Variants in VPS26C observed in about 807,000 individuals in gnomAD.
VPS26C encodes the protein vacuolar protein sorting-associated protein 26C.
VPS26C carries 19 observed loss-of-function variants against 30.6 expected under a neutral mutation model. That is an observed-to-expected ratio of 0.62 (90% CI 0.43 to 0.91). The LOEUF (loss-of-function observed/expected upper bound fraction) is 0.91. Among genes scored for constraint, VPS26C ranks in the 40% least tolerant of loss-of-function variants. The pLI, the probability that VPS26C is intolerant of heterozygous loss-of-function variation, is 0.00. For synonymous variants in VPS26C, 132 were observed against 151.5 expected (o/e 0.87, Z 0.95); for missense variants, 318 against 385.1 (o/e 0.83, Z 1.46).
At chr21:37,258,676 G>A (rs2148308111) in intron 1 of VPS26C, among the ~76,000 whole-genome samples, 1 of 152,334 alleles carries the variant, frequency 6.6e-6, no homozygotes, top group Admixed American at 6.5e-5. Flanking sequence ...CTGCACCGGG[G>A]ACTCGGCATT....
chr21:37,257,046 C>T lies in VPS26C; in HGVS notation c.57+10192G>A, dbSNP rs1402739589. Among the ~76,000 whole-genome samples, 1 of 151,994 alleles carries T rather than the reference C, an allele frequency of 6.6e-6. No homozygotes were observed. The highest frequency in any genetic ancestry group is 2.4e-5 in the African/African-American group (1 of 41,382). ...ACTCGGGAGGCTGAGGCAGGAGAAT[C>T]GCTTGAGCCTGGGAGGTGGAGGCTG... On this transcript the variant is annotated intron_variant, in intron 1 of 7. Coordinates refer to ENST00000309117, the MANE Select transcript of VPS26C (RefSeq NM_006052.2). This position sits in a 1 kb window ranked among gnomAD's most constrained non-coding sequence, Gnocchi z 4.2.
intron 2 of VPS26C, among the ~76,000 whole-genome samples, chr21:37,239,861 G>T (rs1363370261): frequency 6.6e-6 from 1 of 152,124 alleles, no homozygotes; most frequent in African/African-American, 2.4e-5. Context: ...GCCTCCCAAA[G>T]TGCTGGGATT....
intron 1 of VPS26C, among the ~76,000 whole-genome samples, chr21:37,256,908 A>G (rs1233294614): frequency 6.6e-6 from 1 of 152,216 alleles, no homozygotes; most frequent in Non-Finnish European, 1.5e-5. Context: ...GGCTGAGACC[A>G]GAAGATCGCT....
chr21:37,227,486 G>A (rs2085912606), intron 7 of VPS26C, 168 bp downstream of exon 7: 3 of 734,874 alleles, frequency 4.1e-6, no homozygotes, highest in Non-Finnish European at 6.6e-6. Context: ...ACAAGGTTTT[G>A]TTGAGCAGCC....
intron 4 of VPS26C, among the ~76,000 whole-genome samples, chr21:37,232,872 G>T (rs566627421): frequency 7.2e-5 from 11 of 152,314 alleles, no homozygotes; most frequent in African/African-American, 2.4e-4. Context: ...GGTGGAGCTG[G>T]GGGGCTGAGC....
rs907543434 is a variant in VPS26C at position 37,238,312 on chromosome 21, G to C, written c.351+148C>G. The C allele has an allele frequency of 3.4e-6, 3 of 888,088 alleles. No homozygotes were observed. The African/African-American group carries it at 5.2e-5, about 15-fold the overall frequency. 55.0% of individuals were successfully genotyped at this position (888,088 alleles called of 1,614,324 possible). A position where few individuals can be genotyped will look rare whatever the true frequency, so the allele number is the denominator to read the frequency against. ...TCAAATGCATTTATCAGGGAAATGA[G>C]AAATTAACGTCGAATATACATGCGA... On this transcript the variant is annotated intron_variant, in intron 3 of 7. Coordinates refer to ENST00000309117, the MANE Select transcript of VPS26C (RefSeq NM_006052.2).
chr21:37,249,069 A>G (rs573866113), intron 1 of VPS26C, among the ~76,000 whole-genome samples: 16 of 152,316 alleles, frequency 1.1e-4, no homozygotes, highest in Admixed American at 4.6e-4. Context: ...TTCTTAGTAA[A>G]ATAATAGAAG....
At chr21:37,266,191 T>C (rs2086359405) in intron 1 of VPS26C, among the ~76,000 whole-genome samples, 1 of 152,136 alleles carries the variant, frequency 6.6e-6, no homozygotes, top group South Asian at 2.1e-4. Flanking sequence ...GTGCTGGTAA[T>C]ACAAGCGTGA....
At chr21:37,258,261 G>A (rs1274692234) in intron 1 of VPS26C, among the ~76,000 whole-genome samples, 1 of 152,252 alleles carries the variant, frequency 6.6e-6, no homozygotes, top group East Asian at 1.9e-4. Context: ...CCTGATCCGC[G>A]CTGCAGTTCC....
intron 1 of VPS26C, among the ~76,000 whole-genome samples, chr21:37,243,622 C>T (rs190808726): frequency 1.2e-3 from 181 of 152,300 alleles, no homozygotes; most frequent in African/African-American, 4.2e-3. Flanking sequence ...TGAAAGGAGA[C>T]GGCAGTCCCG....
chr21:37,237,326 G>C (rs1480963715), intron 3 of VPS26C: 2 of 152,162 alleles, frequency 1.3e-5, no homozygotes, highest in African/African-American at 2.4e-5. Flanking sequence ...TACTGATTCT[G>C]GGTAGATAAT....
At chr21:37,225,882 A>G in intron 7 of VPS26C, 1 of 539,116 alleles carries the variant, frequency 1.9e-6, no homozygotes, top group Non-Finnish European at 3.4e-6. Context: ...ATGAGTGATC[A>G]GGCTTCACCA....
At chr21:37,249,542 T>C (rs1244517211) in intron 1 of VPS26C, among the ~76,000 whole-genome samples, 1 of 152,188 alleles carries the variant, frequency 6.6e-6, no homozygotes, top group African/African-American at 2.4e-5. Flanking sequence ...AAAACATGCC[T>C]GAAAGCCACA....
intron 1 of VPS26C, among the ~76,000 whole-genome samples, chr21:37,250,985 C>G (rs994170488): frequency 1.3e-5 from 2 of 149,376 alleles, no homozygotes; most frequent in African/African-American, 4.9e-5. Context: ...GAACAAAGAG[C>G]TCACAGAAAA....
chr21:37,227,918 C>A, intron 6 of VPS26C, 112 bp from the exon 7 acceptor site: 1 of 1,405,420 alleles, frequency 7.1e-7, no homozygotes. Flanking sequence ...GGTCCCCTCC[C>A]CTCACTTTCC....
intron 1 of VPS26C, among the ~76,000 whole-genome samples, chr21:37,245,975 G>C (rs1316273107): frequency 2.0e-5 from 3 of 151,932 alleles, no homozygotes; most frequent in Non-Finnish European, 4.4e-5. Context: ...GGGCAGAAAT[G>C]ACAAAATCCA....
intron 1 of VPS26C, among the ~76,000 whole-genome samples, chr21:37,242,582 T>C (rs2086098511): frequency 6.6e-6 from 1 of 152,050 alleles, no homozygotes; most frequent in African/African-American, 2.4e-5. Flanking sequence ...TGAGACCCTG[T>C]CTCAAAAAAA....
chr21:37,254,819 TAAAAG>T (rs1438731965), intron 1 of VPS26C, among the ~76,000 whole-genome samples: 5 of 128,608 alleles, frequency 3.9e-5, no homozygotes, highest in East Asian at 2.1e-4. Context: ...AAAAAATAAA[TAAAAG>T]AAAAGAAAAA....
At chr21:37,263,634 A>C (rs2086327667) in intron 1 of VPS26C, among the ~76,000 whole-genome samples, 1 of 152,226 alleles carries the variant, frequency 6.6e-6, no homozygotes, top group Admixed American at 6.5e-5. Context: ...AGCTTGCCTT[A>C]TGTGCTTACG....
Sources: gnomAD v4.1 joint callset for allele counts (sites outside exome capture counted in the v4.1 genomes callset) on GRCh38, gnomAD v4.1.1 for gene constraint, Gnocchi (gnomAD v3.1) non-coding constraint, MANE v1.5 for transcripts, NCBI Gene and HGNC (gene_info 2026-07-23, HGNC 2026-07-21) for gene names.